Variants in CLVS2 observed in about 807,000 individuals in gnomAD.
CLVS2 encodes the protein clavesin 2.
CLVS2 carries 19 observed loss-of-function variants against 29.0 expected under a neutral mutation model. That is an observed-to-expected ratio of 0.66 (90% CI 0.46 to 0.96). The LOEUF is 0.96. CLVS2 is among the 40% of genes least tolerant of loss of function. The pLI is 0.00. For synonymous variants in CLVS2, 161 were observed against 151.3 expected (o/e 1.06, Z -0.47); for missense variants, 294 against 404.1 (o/e 0.73, Z 2.34).
Position 123,010,980 on chromosome 6 carries a change from G to C in CLVS2, c.390-5G>C, listed in dbSNP as rs770879812. The C allele has an allele frequency of 2.7e-6, 4 of 1,473,516 alleles. No homozygotes were observed. Among genetic ancestry groups the C allele is most frequent in the Non-Finnish European group, 1.8e-6 (2 of 1,101,694 alleles). The allele number at this position is 1,473,516 out of a possible 1,614,324, so 91.3% of individuals were successfully genotyped here. A position where few individuals can be genotyped will look rare whatever the true frequency, so the allele number is the denominator to read the frequency against. ...CCTAATTTAGTACTTTTCTGTCGCC[G>C]ATAGGTACACACTGGTGGATATTTT... On this transcript the variant is annotated splice_polypyrimidine_tract_variant and splice_region_variant and intron_variant, in intron 2 of 5. Coordinates refer to ENST00000275162, the MANE Select transcript of CLVS2 (RefSeq NM_001010852.4).
chr6:123,057,577 C>G (rs1014853101), intron 5 of CLVS2, among the ~76,000 whole-genome samples: 5 of 151,914 alleles, frequency 3.3e-5, no homozygotes, highest in Admixed American at 1.3e-4. Flanking sequence ...AACTCCTGAC[C>G]TCATGATCCA....
intron 3 of CLVS2, among the ~76,000 whole-genome samples, chr6:123,022,658 T>C (rs1467643821): frequency 6.6e-6 from 1 of 152,058 alleles, no homozygotes; most frequent in African/African-American, 2.4e-5. Flanking sequence ...AAAATTCTAA[T>C]GGATGTACTT....
chr6:123,069,083 A>G lies in CLVS2; in HGVS notation c.*5322A>G, dbSNP rs1318963822. 6.6e-6 allele frequency: 1 copy of G among 151,746 alleles called. No homozygotes were observed. The highest frequency in any genetic ancestry group is 1.5e-5 in the Non-Finnish European group (1 of 67,800). 9.4% of individuals were successfully genotyped at this position (151,746 alleles called of 1,614,324 possible). A position where few individuals can be genotyped will look rare whatever the true frequency, so the allele number is the denominator to read the frequency against. Reference sequence around the variant, plus strand: ...TTGTATGTGTGGGGATCAAAGAGGAAAATATATAGTAATTTGTTTCATCAA... The same window carrying G: ...TTGTATGTGTGGGGATCAAAGAGGAGAATATATAGTAATTTGTTTCATCAA... On this transcript the variant is annotated 3_prime_UTR_variant, in exon 6 of 6. Transcript: ENST00000275162.
intron 5 of CLVS2, among the ~76,000 whole-genome samples, chr6:123,061,238 G>A (rs950083273): frequency 2.0e-5 from 3 of 152,036 alleles, no homozygotes; most frequent in East Asian, 1.9e-4. Context: ...CGGAGGTTGC[G>A]GTGAGCCGAG....
At chr6:123,039,544 G>A (rs916902263) in intron 3 of CLVS2, among the ~76,000 whole-genome samples, 1 of 152,168 alleles carries the variant, frequency 6.6e-6, no homozygotes, top group Non-Finnish European at 1.5e-5. Context: ...GCGAGGTGGT[G>A]TGAGAATGAC....
At position 122,997,846 on chromosome 6, in the gene CLVS2, C is replaced by T; in HGVS notation, c.69C>T (p.Asn23=). 1 of 1,614,180 alleles carries T rather than the reference C, an allele frequency of 6.2e-7. No homozygotes were observed. Among genetic ancestry groups the T allele is most frequent in the South Asian group, 1.1e-5 (1 of 91,076 alleles). ...LEKARLELNE[N]PDTLHQDIQE... ...AAGCTCGCCTGGAGCTCAATGAAAA[C>T]CCAGACACGCTGCACCAGGACATCC... Residue 23 remains asparagine (N), a synonymous_variant, in exon 2 of 6, where the codon AAC becomes AAT. Transcript: ENST00000275162.
chr6:123,046,759 G>C (rs188724796), intron 3 of CLVS2, among the ~76,000 whole-genome samples: 2 of 152,080 alleles, frequency 1.3e-5, no homozygotes. Flanking sequence ...TTCAGGTAGT[G>C]CAGCAGGTTA....
At chr6:123,041,221 C>T (rs1157820824) in intron 3 of CLVS2, among the ~76,000 whole-genome samples, 2 of 151,992 alleles carry the variant, frequency 1.3e-5, no homozygotes, top group Non-Finnish European at 2.9e-5. Flanking sequence ...TCCTTCCAGT[C>T]ATCTTGAGTA....
intron 2 of CLVS2, among the ~76,000 whole-genome samples, chr6:123,003,528 G>A (rs1282823244): frequency 1.3e-5 from 2 of 152,196 alleles, no homozygotes; most frequent in South Asian, 2.1e-4. Context: ...ATGTGGGATC[G>A]TTATGATACC....
At chr6:123,049,696 A>G (rs767841476) in intron 4 of CLVS2, among the ~76,000 whole-genome samples, 6 of 151,758 alleles carry the variant, frequency 4.0e-5, no homozygotes, top group African/African-American at 7.3e-5. Context: ...ATGTTTCTCA[A>G]TGACCTAGAA....
intron 2 of CLVS2, among the ~76,000 whole-genome samples, chr6:123,005,161 C>T (rs1387208037): frequency 6.6e-6 from 1 of 152,118 alleles, no homozygotes; most frequent in African/African-American, 2.4e-5. Flanking sequence ...ACAAATCCAG[C>T]TCAGAGATTT....
intron 4 of CLVS2, among the ~76,000 whole-genome samples, chr6:123,052,499 C>T (rs746737620): frequency 6.6e-6 from 1 of 152,044 alleles, no homozygotes; most frequent in African/African-American, 2.4e-5. Flanking sequence ...TTCTGGCTGC[C>T]CTGTTGAGAA....
rs200795338 is a variant in CLVS2, at chr6:123,011,108, A to G, written c.513A>G (p.Gln171=). The G allele has an allele frequency of 6.2e-7, 1 of 1,611,616 alleles. No individual in the cohort carries two copies. The highest frequency in any genetic ancestry group is 2.2e-5 in the East Asian group (1 of 44,772). ...ACTGGAGTAACTTCACTTTCAAGCA[A>G]GCCTCTAAACTCACACCAAGTATGC... is the stretch of plus-strand genomic sequence containing the variant. The part of the protein sequence containing the change: ...IIDWSNFTFK[Q]ASKLTPSMLR... The change falls in exon 3 of 6, where the codon CAA becomes CAG. Residue 171 remains glutamine (Q), a synonymous_variant. Coordinates refer to ENST00000275162, the MANE Select transcript of CLVS2 (RefSeq NM_001010852.4).
intron 5 of CLVS2, among the ~76,000 whole-genome samples, chr6:123,058,935 G>A (rs1772734378): frequency 1.3e-5 from 2 of 152,140 alleles, no homozygotes. Flanking sequence ...TGGGATTACA[G>A]GTGTGAGCCA....
chr6:123,052,998 G>A lies in CLVS2; in HGVS notation c.676-2808G>A, dbSNP rs531716169. ...AAGAAATCACCAATGAGAAAATATA[G>A]TTAAAGAAGAGAAAAAATCCAAAGA... On this transcript the variant is annotated intron_variant, in intron 4 of 5. Coordinates refer to ENST00000275162, the MANE Select transcript of CLVS2 (RefSeq NM_001010852.4). 8.0e-5 allele frequency among the ~76,000 whole-genome samples: 12 copies of A among 149,918 alleles called. 1 individual carries two copies. The highest frequency in any genetic ancestry group is 4.3e-4 in the South Asian group (2 of 4,608).
At chr6:123,040,161 T>G (rs1180531788) in intron 3 of CLVS2, among the ~76,000 whole-genome samples, 1 of 152,168 alleles carries the variant, frequency 6.6e-6, no homozygotes, top group Non-Finnish European at 1.5e-5. Flanking sequence ...GAATGATTTG[T>G]CAATAATTGG....
intron 3 of CLVS2, among the ~76,000 whole-genome samples, chr6:123,025,798 T>C (rs762055085): frequency 6.6e-6 from 1 of 152,148 alleles, no homozygotes; most frequent in East Asian, 1.9e-4. Flanking sequence ...GAGCTTTCTG[T>C]GGAGTTTCCT....
At chr6:123,035,385 GA>G (rs1011954211) in intron 3 of CLVS2, among the ~76,000 whole-genome samples, 2 of 151,856 alleles carry the variant, frequency 1.3e-5, no homozygotes, top group East Asian at 1.9e-4. Context: ...ACAGATGGTA[GA>G]AAAAAGGAAA....
chr6:123,013,851 C>T (rs1250315799), intron 3 of CLVS2, among the ~76,000 whole-genome samples: 2 of 151,818 alleles, frequency 1.3e-5, no homozygotes, highest in Non-Finnish European at 2.9e-5. Flanking sequence ...TGATGTTCCC[C>T]TTCCTGTGTC....
Sources: gnomAD v4.1 joint callset for allele counts (sites outside exome capture counted in the v4.1 genomes callset) on GRCh38, gnomAD v4.1.1 for gene constraint, MANE v1.5 for transcripts, NCBI Gene and HGNC (gene_info 2026-07-23, HGNC 2026-07-21) for gene names.